NPAS3: variants seen among roughly 807,000 people sequenced by gnomAD.
The protein encoded by NPAS3 is neuronal PAS domain protein 3, also known as neuronal PAS domain-containing protein 3.
Under a neutral mutation model 73.1 loss-of-function variants are expected in NPAS3, and 14 were observed. The ratio of observed to expected loss-of-function variants is 0.19; its 90% CI spans 0.13 to 0.30. NPAS3 has a LOEUF of 0.30. NPAS3 is among the 10% of genes least tolerant of loss of function. The pLI is 1.00. For missense variants in NPAS3, 1,096 were observed against 1,250.0 expected, an observed-to-expected ratio of 0.88 and a Z score of 1.86; for synonymous variants, 620 against 541.5, an observed-to-expected ratio of 1.14 and a Z score of -2.01.
intron 1 of NPAS3, among the ~76,000 whole-genome samples, chr14:33,016,553 C>G (rs1221344122): frequency 2.2e-5 from 3 of 139,240 alleles, no homozygotes; most frequent in Non-Finnish European, 4.6e-5. Flanking sequence ...TTTCAGAGTA[C>G]ACATGTAAAA....
chr14:33,061,259 T>G (rs1365393374), intron 2 of NPAS3, among the ~76,000 whole-genome samples: 3 of 152,194 alleles, frequency 2.0e-5, no homozygotes, highest in Non-Finnish European at 1.5e-5. Context: ...TTTAACCTGA[T>G]TGACTGATTG....
At chr14:33,046,498 T>C (rs1280688614) in intron 1 of NPAS3, among the ~76,000 whole-genome samples, 2 of 152,104 alleles carry the variant, frequency 1.3e-5, no homozygotes, top group African/African-American at 2.4e-5. Flanking sequence ...CTACCTGAAC[T>C]AAGAATAGGG....
chr14:33,600,785 C>T (rs1473881599), intron 5 of NPAS3, among the ~76,000 whole-genome samples: 1 of 152,188 alleles, frequency 6.6e-6, no homozygotes, highest in Non-Finnish European at 1.5e-5. Flanking sequence ...TAATTCCAAA[C>T]AGCATAAGTC....
chr14:33,354,403 G>T (rs17100786), intron 3 of NPAS3, among the ~76,000 whole-genome samples: 8,017 of 152,104 alleles, frequency 0.053, 609 homozygotes, highest in African/African-American at 0.17. Context: ...CATGGCTGCC[G>T]CTTTATCCAC....
chr14:33,776,262 A>G (rs1010479746), intron 8 of NPAS3, among the ~76,000 whole-genome samples: 2 of 152,152 alleles, frequency 1.3e-5, no homozygotes, highest in African/African-American at 4.8e-5. Context: ...CAGAGGATGG[A>G]CTGTGGCTTT....
intron 3 of NPAS3, among the ~76,000 whole-genome samples, chr14:33,240,234 C>T (rs569411173): frequency 6.6e-6 from 1 of 151,728 alleles, no homozygotes; most frequent in South Asian, 2.1e-4. Context: ...AAAGCTGGAG[C>T]CCTTTGCAGT....
At chr14:33,480,358 C>G (rs536276481) in intron 4 of NPAS3, among the ~76,000 whole-genome samples, 1 of 152,114 alleles carries the variant, frequency 6.6e-6, no homozygotes, top group Non-Finnish European at 1.5e-5. Context: ...TTCAGTCATG[C>G]GCTGCTATCA....
intron 5 of NPAS3, among the ~76,000 whole-genome samples, chr14:33,635,825 G>A (rs750398550): frequency 1.2e-4 from 19 of 152,162 alleles, no homozygotes; most frequent in Non-Finnish European, 2.4e-4. Flanking sequence ...CCTCTTCTCT[G>A]TGAAATGTTC....
At chr14:33,684,365 G>A (rs917000304) in intron 6 of NPAS3, among the ~76,000 whole-genome samples, 1 of 151,856 alleles carries the variant, frequency 6.6e-6, no homozygotes, top group African/African-American at 2.4e-5. Context: ...AGGCTGGAGT[G>A]CAGTGGCACA....
chr14:32,970,709 G>A (rs1013081834), intron 1 of NPAS3, among the ~76,000 whole-genome samples: 1 of 152,090 alleles, frequency 6.6e-6, no homozygotes, highest in African/African-American at 2.4e-5. Flanking sequence ...TCTTCTGGAG[G>A]TTTGCTGGCA....
At chr14:33,303,731 G>C (rs2042643985) in intron 3 of NPAS3, among the ~76,000 whole-genome samples, 1 of 152,208 alleles carries the variant, frequency 6.6e-6, no homozygotes. Flanking sequence ...GAGAAAGGAA[G>C]TGAAACATCT....
At chr14:33,270,319 G>A (rs905851549) in intron 3 of NPAS3, among the ~76,000 whole-genome samples, 3 of 152,016 alleles carry the variant, frequency 2.0e-5, no homozygotes, top group Non-Finnish European at 4.4e-5. Context: ...AAAAGGAAGG[G>A]GTAGTAGAAA....
chr14:33,449,491 CA>C (rs2049686686), intron 4 of NPAS3, among the ~76,000 whole-genome samples: 1 of 152,150 alleles, frequency 6.6e-6, no homozygotes, highest in African/African-American at 2.4e-5. Context: ...TAGCCCTTTA[CA>C]GAAAGCGTTT....
chr14:33,301,435 T>C (rs1259922379), intron 3 of NPAS3, among the ~76,000 whole-genome samples: 1 of 150,784 alleles, frequency 6.6e-6, no homozygotes, highest in African/African-American at 2.4e-5. Flanking sequence ...AGTTACTTGT[T>C]TGTGGGTCAA....
chr14:33,649,998 A>T (rs1236362682), intron 5 of NPAS3, among the ~76,000 whole-genome samples: 1 of 152,200 alleles, frequency 6.6e-6, no homozygotes, highest in Non-Finnish European at 1.5e-5. Flanking sequence ...GGAGAGGAAT[A>T]TCCTGGGATT....
chr14:33,373,191 A>C (rs1048292673), intron 4 of NPAS3, among the ~76,000 whole-genome samples: 3 of 152,188 alleles, frequency 2.0e-5, no homozygotes, highest in Non-Finnish European at 4.4e-5. Context: ...CCCTCAGCAG[A>C]AAGGTTTAAG....
rs945304222 is a variant in NPAS3 at position 33,095,667 on chromosome 14, T to A, written c.140+39673T>A. Among the ~76,000 whole-genome samples, 6 of 120,754 alleles carry A rather than the reference T, an allele frequency of 5.0e-5. No homozygotes were observed. In the East Asian group the frequency reaches 1.1e-3, roughly 22 times the overall value. 79.2% of individuals were successfully genotyped at this position (120,754 alleles called of 152,430 possible). ...CGTGGGCATTCTCTGCTTTTATTTT[T>A]TTATTTTTTTTTTTTTTTTGAGAGG... is the stretch of plus-strand genomic sequence containing the variant. On this transcript the variant is annotated intron_variant, in intron 2 of 11. Transcript: ENST00000356141.
chr14:33,192,463 C>T (rs2139515041), intron 2 of NPAS3, among the ~76,000 whole-genome samples: 1 of 152,266 alleles, frequency 6.6e-6, no homozygotes. Context: ...ATAGCCCAGG[C>T]ACTGACACCA....
At chr14:33,100,503 T>C (rs7158885) in intron 2 of NPAS3, among the ~76,000 whole-genome samples, 2,913 of 152,280 alleles carry the variant, frequency 0.019, 92 homozygotes, top group African/African-American at 0.067. Flanking sequence ...CATTTGTAGC[T>C]ACATTTATAT....
Sources: allele counts gnomAD v4.1 joint callset (sites outside exome capture counted in the v4.1 genomes callset), GRCh38; gene constraint gnomAD v4.1.1; transcripts MANE v1.5; gene names NCBI Gene and HGNC (gene_info 2026-07-23, HGNC 2026-07-21).